DIP2B: variants seen among roughly 807,000 people sequenced by gnomAD.
The protein encoded by DIP2B is disco-interacting protein 2 homolog B.
In DIP2B, 76 loss-of-function variants were observed where a neutral mutation model predicts 198.0. The observed-to-expected ratio is 0.38, with a 90% CI of 0.32 to 0.46. The LOEUF (loss-of-function observed/expected upper bound fraction) is 0.46. Among genes scored for constraint, DIP2B ranks in the 20% least tolerant of loss-of-function variants. DIP2B has a pLI of 0.99. For missense variants in DIP2B, 1,559 were observed against 1,978.4 expected (o/e 0.79, Z 4.02); for synonymous variants, 701 against 739.1 (o/e 0.95, Z 0.84).
chr12:50,607,910 T>TA (rs1958997626), intron 1 of DIP2B, among the ~76,000 whole-genome samples: 1 of 152,176 alleles, frequency 6.6e-6, no homozygotes, highest in South Asian at 2.1e-4. Context: ...TCTCCTGCCT[T>TA]AGCCTTCTGA....
At chr12:50,732,297 C>G (rs1161093475) in intron 31 of DIP2B, 69 bp from the exon 32 acceptor site, 1 of 1,561,138 alleles carries the variant, frequency 6.4e-7, no homozygotes, top group East Asian at 2.3e-5. Context: ...GGAGCTAGAA[C>G]AGTGGCCTTA....
intron 1 of DIP2B, among the ~76,000 whole-genome samples, chr12:50,512,965 C>T (rs937436674): frequency 6.6e-6 from 1 of 152,154 alleles, no homozygotes; most frequent in South Asian, 2.1e-4. Flanking sequence ...TAGGACCGCA[C>T]CACTGCACTC....
chr12:50,696,034 G>A (rs370007654), intron 16 of DIP2B, 67 bp downstream of exon 16: 4 of 1,593,852 alleles, frequency 2.5e-6, no homozygotes, highest in Admixed American at 1.7e-5. Flanking sequence ...TTTTCGCCCT[G>A]TACTAAGATA....
intron 4 of DIP2B, among the ~76,000 whole-genome samples, chr12:50,664,262 G>A (rs1938706774): frequency 6.6e-6 from 1 of 152,106 alleles, no homozygotes; most frequent in Admixed American, 6.6e-5. Flanking sequence ...TGGAAAATAT[G>A]GTAAATAGTT....
intron 19 of DIP2B, among the ~76,000 whole-genome samples, chr12:50,700,041 A>T (rs557032507): frequency 1.3e-5 from 2 of 152,244 alleles, no homozygotes; most frequent in East Asian, 3.8e-4. Context: ...GTCCTTTCAC[A>T]GGAGTCAGGT....
intron 4 of DIP2B, among the ~76,000 whole-genome samples, chr12:50,667,174 T>C (rs946020992): frequency 1.3e-5 from 2 of 152,168 alleles, no homozygotes; most frequent in Non-Finnish European, 2.9e-5. Flanking sequence ...CCGGCCAACA[T>C]GCTAATTGTT....
chr12:50,573,788 G>A (rs914204615), intron 1 of DIP2B, among the ~76,000 whole-genome samples: 40 of 152,144 alleles, frequency 2.6e-4, no homozygotes, highest in African/African-American at 9.7e-4. Flanking sequence ...GTCACAGTGT[G>A]ATGTATGCTG....
chr12:50,533,149 G>C (rs962054890), intron 1 of DIP2B, among the ~76,000 whole-genome samples: 3 of 152,172 alleles, frequency 2.0e-5, no homozygotes, highest in Non-Finnish European at 2.9e-5. Context: ...TTAATTTAAA[G>C]AATATTAAAG....
chr12:50,544,542 G>A (rs1286421648), intron 1 of DIP2B, among the ~76,000 whole-genome samples: 1 of 151,976 alleles, frequency 6.6e-6, no homozygotes, highest in African/African-American at 2.4e-5. Context: ...TCCTGACCTT[G>A]TGATTCACCT....
At chr12:50,634,944 T>C (rs572728078) in intron 2 of DIP2B, among the ~76,000 whole-genome samples, 12 of 152,322 alleles carry the variant, frequency 7.9e-5, no homozygotes, top group African/African-American at 2.9e-4. Context: ...TAGAGTGGTC[T>C]CTTGTAGATT....
At chr12:50,619,414 G>A (rs1273335739) in intron 1 of DIP2B, among the ~76,000 whole-genome samples, 2 of 152,136 alleles carry the variant, frequency 1.3e-5, no homozygotes, top group African/African-American at 2.4e-5. Context: ...GTATCGTTAG[G>A]AATTTATATC....
intron 1 of DIP2B, among the ~76,000 whole-genome samples, chr12:50,553,744 C>G (rs1189073416): frequency 6.6e-6 from 1 of 152,164 alleles, no homozygotes; most frequent in African/African-American, 2.4e-5. Context: ...GCCTCGATCT[C>G]CTGGGCTCAG....
chr12:50,713,530 C>T (rs994737639), intron 22 of DIP2B, among the ~76,000 whole-genome samples: 30 of 152,182 alleles, frequency 2.0e-4, no homozygotes, highest in Non-Finnish European at 1.3e-4. Flanking sequence ...TACATGGCTG[C>T]GAGCACAGGT....
At chr12:50,541,481 A>G (rs1958325493) in intron 1 of DIP2B, among the ~76,000 whole-genome samples, 1 of 151,852 alleles carries the variant, frequency 6.6e-6, no homozygotes, top group South Asian at 2.1e-4. Flanking sequence ...ACTAAGAGAA[A>G]CAGAGATAGA....
chr12:50,608,402 AC>A lies in DIP2B; in HGVS notation c.101-17573del, dbSNP rs891325072. Among the ~76,000 whole-genome samples, 23 of 152,124 alleles carry A rather than the reference AC, an allele frequency of 1.5e-4. 1 individual carries two copies. Among genetic ancestry groups the A allele is most frequent in the African/African-American group, 5.6e-4 (23 of 41,422 alleles). Reference sequence around the variant, plus strand: ...TTTGGGAGGCTGAGGTAGTTGGATCACATGAGGCCAGGAGTTCGAGAGCAGC... The same window carrying A: ...TTTGGGAGGCTGAGGTAGTTGGATCAATGAGGCCAGGAGTTCGAGAGCAGC... On this transcript the variant is annotated intron_variant, in intron 1 of 37. Coordinates refer to ENST00000301180, the MANE Select transcript of DIP2B (RefSeq NM_173602.3).
intron 15 of DIP2B, 125 bp downstream of exon 15, chr12:50,695,485 C>T (rs755909467): frequency 6.5e-6 from 6 of 918,922 alleles, no homozygotes; most frequent in Non-Finnish European, 8.5e-6. Context: ...AGTTTAGTTA[C>T]TACAGAATTA....
intron 35 of DIP2B, among the ~76,000 whole-genome samples, chr12:50,738,933 C>T (rs1318122209): frequency 6.6e-5 from 10 of 152,308 alleles, no homozygotes; most frequent in South Asian, 4.1e-4. Flanking sequence ...TGTTAGCTAT[C>T]GCTCTGTTTA....
Position 50,722,253 on chromosome 12 carries a change from GTTTA to G in DIP2B, c.3166+861_3166+864del, listed in dbSNP as rs1370948210. Among the ~76,000 whole-genome samples, 4 of 143,176 alleles carry G rather than the reference GTTTA, an allele frequency of 2.8e-5. No individual in the cohort carries two copies. The East Asian group carries it at 6.2e-4, about 22-fold the overall frequency. The allele number at this position is 143,176 out of a possible 152,430, so 93.9% of individuals were successfully genotyped here. ...GTGATTTTTTTTTGTTTGTTTGTTT[GTTTA>G]TTTTATTTTATTTTATTTTATTTTA... On this transcript the variant is annotated intron_variant, in intron 26 of 37. Transcript: ENST00000301180.
Position 50,683,128 on chromosome 12 carries a change from T to C in DIP2B, c.1207-10T>C. ...TCCTCTGTTAAACTGAATATCATTA[T>C]GAATTTTAGGTAGCCCTGGTTTACC... On this transcript the variant is annotated splice_polypyrimidine_tract_variant and intron_variant, in intron 9 of 37. Transcript: ENST00000301180. The C allele has an allele frequency of 6.3e-7, 1 of 1,597,400 alleles. No individual in the cohort carries two copies. The highest frequency in any genetic ancestry group is 8.5e-7 in the Non-Finnish European group (1 of 1,173,512).
Sources: gnomAD v4.1 joint callset for allele counts (sites outside exome capture counted in the v4.1 genomes callset) on GRCh38, gnomAD v4.1.1 for gene constraint, MANE v1.5 for transcripts, NCBI Gene and HGNC (gene_info 2026-07-23, HGNC 2026-07-21) for gene names.